The following KIF26B variants were observed in gnomAD, a reference collection of about 807,000 sequenced individuals.
The protein encoded by KIF26B is kinesin-like protein KIF26B.
A neutral mutation model predicts 151.2 loss-of-function variants in KIF26B; 63 were observed. The ratio of observed to expected loss-of-function variants is 0.42; its 90% CI spans 0.34 to 0.51. KIF26B has a LOEUF of 0.51. Among genes scored for constraint, KIF26B ranks in the 20% least tolerant of loss-of-function variants. The probability of loss-of-function intolerance (pLI) is 0.07; values close to 1 mark genes in which losing one functional copy is unlikely to be tolerated. For synonymous variants in KIF26B, 1,357 were observed against 1,262.1 expected (o/e 1.08, Z -1.59); for missense variants, 2,813 against 2,913.6 (o/e 0.97, Z 0.79).
chr1:245,379,970 C>A (rs867350255), intron 3 of KIF26B, among the ~76,000 whole-genome samples: 1,671 of 82,256 alleles, frequency 0.02, 28 homozygotes, highest in African/African-American at 0.059. Context: ...GACTCCGTCT[C>A]AAAAAAAAAA....
chr1:245,691,794 A>G (rs971255770), intron 12 of KIF26B, among the ~76,000 whole-genome samples: 1 of 152,226 alleles, frequency 6.6e-6, no homozygotes, highest in Non-Finnish European at 1.5e-5. Flanking sequence ...TTGGTAGTAC[A>G]TGTAACAGCA....
chr1:245,601,987 A>C lies in KIF26B; in HGVS notation c.1351-590A>C, dbSNP rs1482176285. On this transcript the variant is annotated intron_variant, in intron 5 of 14. Coordinates refer to ENST00000407071, the MANE Select transcript of KIF26B (RefSeq NM_018012.4). This position sits in a 1 kb window ranked among gnomAD's most constrained non-coding sequence, Gnocchi z 4.4. ...TTCTCTGAAACGACAACTTCTCTGC[A>C]CTCGCTTAATGGGATCCCAAATAAC... Among the ~76,000 whole-genome samples, 1 of 152,120 alleles carries C rather than the reference A, an allele frequency of 6.6e-6. No homozygotes were observed. Among genetic ancestry groups the C allele is most frequent in the East Asian group, 1.9e-4 (1 of 5,194 alleles).
At chr1:245,437,377 G>A (rs499096) in intron 4 of KIF26B, among the ~76,000 whole-genome samples, 133,588 of 152,186 alleles carry the variant, frequency 0.88, 58,747 homozygotes, top group East Asian at 1. Context: ...CATATCATTT[G>A]TTACTTAGGA....
intron 9 of KIF26B, among the ~76,000 whole-genome samples, chr1:245,645,333 C>G (rs535801294): frequency 3.9e-5 from 6 of 152,288 alleles, no homozygotes; most frequent in African/African-American, 1.4e-4. Flanking sequence ...GTGTGCTGAT[C>G]AGTACTCAGC....
intron 5 of KIF26B, among the ~76,000 whole-genome samples, chr1:245,566,175 A>G (rs1391041319): frequency 6.6e-6 from 1 of 152,236 alleles, no homozygotes; most frequent in African/African-American, 2.4e-5. Context: ...CCTCTGAGCC[A>G]TATCACCATA....
chr1:245,395,051 CCTT>C (rs1243585285), intron 3 of KIF26B, among the ~76,000 whole-genome samples: 1 of 152,148 alleles, frequency 6.6e-6, no homozygotes, highest in African/African-American at 2.4e-5. Context: ...AGGACCTACT[CCTT>C]CTTAAACAAA....
intron 2 of KIF26B, among the ~76,000 whole-genome samples, chr1:245,264,855 T>C (rs1670712724): frequency 6.6e-6 from 1 of 150,460 alleles, no homozygotes; most frequent in African/African-American, 2.5e-5. Flanking sequence ...ATCGAGCGAC[T>C]GCACTCCAGC....
At chr1:245,182,993 C>T (rs1292266093) in intron 2 of KIF26B, among the ~76,000 whole-genome samples, 1 of 152,242 alleles carries the variant, frequency 6.6e-6, no homozygotes, top group Admixed American at 6.5e-5. Context: ...ATATTCCTCC[C>T]AGCAACAGAT....
rs141680186 is a variant in KIF26B, at chr1:245,368,415, C to T, written c.999+1048C>T. ...GTGGGAAGCAGCAGAGAGCATTGAC[C>T]GTCACTGGAATGGAGAGGCGGCCAC... is the stretch of plus-strand genomic sequence containing the variant. On this transcript the variant is annotated intron_variant, in intron 3 of 14. Coordinates refer to ENST00000407071, the MANE Select transcript of KIF26B (RefSeq NM_018012.4). Among the ~76,000 whole-genome samples the T allele has an allele frequency of 2.6e-4, 40 of 152,208 alleles. No homozygotes were observed. In the East Asian group the frequency reaches 4.6e-3, roughly 18 times the overall value.
intron 5 of KIF26B, among the ~76,000 whole-genome samples, chr1:245,548,280 A>G (rs1323065004): frequency 6.8e-6 from 1 of 146,992 alleles, no homozygotes; most frequent in Non-Finnish European, 1.5e-5. Context: ...AATGTGGTTG[A>G]ACTTAAAAAA....
chr1:245,595,161 T>C (rs2043326746), intron 5 of KIF26B, among the ~76,000 whole-genome samples: 1 of 152,354 alleles, frequency 6.6e-6, no homozygotes, highest in East Asian at 1.9e-4. Context: ...TATTTCTTTC[T>C]CTTGCCTGAT....
chr1:245,569,378 CGGGA>C (rs1198486456), intron 5 of KIF26B, among the ~76,000 whole-genome samples: 1 of 151,938 alleles, frequency 6.6e-6, no homozygotes, highest in Admixed American at 6.6e-5. Context: ...GAGGCTGAGA[CGGGA>C]GGATTATTTG....
intron 2 of KIF26B, among the ~76,000 whole-genome samples, chr1:245,271,017 C>T (rs1324577228): frequency 6.6e-6 from 1 of 152,108 alleles, no homozygotes; most frequent in Non-Finnish European, 1.5e-5. Context: ...CAATCCTTTC[C>T]CCACTGTGTT....
At chr1:245,486,225 A>T (rs1660277241) in intron 4 of KIF26B, among the ~76,000 whole-genome samples, 1 of 152,274 alleles carries the variant, frequency 6.6e-6, no homozygotes, top group African/African-American at 2.4e-5. Flanking sequence ...TGCTTCAGTA[A>T]GCATTTTATG....
chr1:245,547,081 C>T (rs1661760183), intron 5 of KIF26B, among the ~76,000 whole-genome samples: 1 of 152,232 alleles, frequency 6.6e-6, no homozygotes, highest in Non-Finnish European at 1.5e-5. Context: ...CCGCCCCAGG[C>T]GCCCGGAGCT....
chr1:245,195,185 C>T (rs983418804), intron 2 of KIF26B, among the ~76,000 whole-genome samples: 11 of 152,172 alleles, frequency 7.2e-5, no homozygotes, highest in African/African-American at 2.7e-4. Flanking sequence ...TTTCTTTTCT[C>T]CACCTGCCAC....
At chr1:245,505,239 AT>A (rs10536611) in intron 4 of KIF26B, among the ~76,000 whole-genome samples, 51,130 of 148,226 alleles carry the variant, frequency 0.34, 9,517 homozygotes, top group East Asian at 0.82. Context: ...CGCCTCGCCT[AT>A]TTTTTTTTTT....
chr1:245,311,323 G>A (rs949761117), intron 2 of KIF26B, among the ~76,000 whole-genome samples: 1 of 152,110 alleles, frequency 6.6e-6, no homozygotes, highest in African/African-American at 2.4e-5. Flanking sequence ...AGCGATGAAT[G>A]TGTAGATCTG....
Position 245,660,180 on chromosome 1 carries a change from T to C in KIF26B, c.2258+13900T>C, listed in dbSNP as rs548628397. Among the ~76,000 whole-genome samples, 5 of 120,250 alleles carry C rather than the reference T, an allele frequency of 4.2e-5. No individual in the cohort carries two copies. The South Asian group carries it at 1.4e-3, about 33-fold the overall frequency. 78.9% of individuals were successfully genotyped at this position (120,250 alleles called of 152,430 possible). On this transcript the variant is annotated intron_variant, in intron 10 of 14. Transcript: ENST00000407071. Reference sequence around the variant, plus strand: ...ATGTCTAGAATTTGGTGGAAGCAAATAGGTCTTAGAATTTACCCCAAAGCT... The same window carrying C: ...ATGTCTAGAATTTGGTGGAAGCAAACAGGTCTTAGAATTTACCCCAAAGCT...
Sources: gnomAD v4.1 joint callset for allele counts (sites outside exome capture counted in the v4.1 genomes callset) on GRCh38, gnomAD v4.1.1 for gene constraint, Gnocchi (gnomAD v3.1) non-coding constraint, MANE v1.5 for transcripts, NCBI Gene and HGNC (gene_info 2026-07-23, HGNC 2026-07-21) for gene names.